Variants in ERG observed in about 807,000 individuals in gnomAD.
ERG encodes the protein transcriptional regulator ERG.
A neutral mutation model predicts 55.3 loss-of-function variants in ERG; 9 were observed. The ratio of observed to expected loss-of-function variants is 0.16; its 90% CI spans 0.10 to 0.28. The LOEUF is 0.28. ERG is among the 10% of genes least tolerant of loss of function. The pLI is 1.00. For missense variants in ERG, 434 were observed against 631.6 expected (o/e 0.69, Z 3.35); for synonymous variants, 223 against 237.3 (o/e 0.94, Z 0.55).
chr21:38,658,819 T>C lies in ERG; in HGVS notation c.-150+2839A>G, dbSNP rs1041285465. 2.0e-5 allele frequency among the ~76,000 whole-genome samples: 3 copies of C among 152,244 alleles called. No homozygotes were observed. The South Asian group carries it at 6.2e-4, about 32-fold the overall frequency. Reference sequence around the variant, plus strand: ...GATTAAAAACTCAACAAGGTTTTTCTTTAATATAAAAGCAAAACGTGGAAC... The same window carrying C: ...GATTAAAAACTCAACAAGGTTTTTCCTTAATATAAAAGCAAAACGTGGAAC... On this transcript the variant is annotated intron_variant, in intron 1 of 10. Transcript: ENST00000398910.
chr21:38,630,039 G>A (rs1421880652), intron 1 of ERG, among the ~76,000 whole-genome samples: 1 of 152,112 alleles, frequency 6.6e-6, no homozygotes, highest in East Asian at 1.9e-4. Flanking sequence ...ACTTACATGA[G>A]CTACCTAGAT....
chr21:38,535,342 T>A (rs1282346382), intron 2 of ERG, among the ~76,000 whole-genome samples: 1 of 152,170 alleles, frequency 6.6e-6, no homozygotes, highest in African/African-American at 2.4e-5. Flanking sequence ...GTTCCAGAGA[T>A]TTGCTGCACC....
chr21:38,434,668 G>C (rs1990372250), intron 2 of ERG, among the ~76,000 whole-genome samples: 1 of 152,184 alleles, frequency 6.6e-6, no homozygotes, highest in African/African-American at 2.4e-5. Flanking sequence ...CCTTAGATGG[G>C]TCACCTAACC....
intron 2 of ERG, among the ~76,000 whole-genome samples, chr21:38,568,372 C>T (rs2059936460): frequency 6.6e-6 from 1 of 152,128 alleles, no homozygotes; most frequent in Non-Finnish European, 1.5e-5. Context: ...AACTCATTAG[C>T]TAATTTATTC....
chr21:38,510,795 T>C (rs2146723706), intron 2 of ERG, among the ~76,000 whole-genome samples: 1 of 152,346 alleles, frequency 6.6e-6, no homozygotes, highest in South Asian at 2.1e-4. Flanking sequence ...CAGTACACAT[T>C]GAAATCGATT....
intron 1 of ERG, among the ~76,000 whole-genome samples, chr21:38,487,120 CT>C (rs5843910): frequency 0.33 from 41,425 of 127,288 alleles, 7,315 homozygotes; most frequent in Non-Finnish European, 0.41. Context: ...CCTCACTCCT[CT>C]TTTTTTTTTT....
chr21:38,599,420 T>C (rs2070526), intron 1 of ERG, among the ~76,000 whole-genome samples: 73,326 of 152,028 alleles, frequency 0.48, 17,922 homozygotes, highest in Middle Eastern at 0.6. Context: ...ATGCATTCCA[T>C]GAACAAGGGG....
chr21:38,527,075 A>G (rs907028424), intron 2 of ERG, among the ~76,000 whole-genome samples: 5 of 152,210 alleles, frequency 3.3e-5, no homozygotes, highest in African/African-American at 1.2e-4. Context: ...CACGACGCAT[A>G]CTGAGCACCA....
chr21:38,585,071 A>G (rs952917655), upstream of ERG: 1 of 152,234 alleles, frequency 6.6e-6, no homozygotes, highest in Non-Finnish European at 1.5e-5. Context: ...AAAAGGGGAA[A>G]GAACTTAAAT....
intron 5 of ERG, among the ~76,000 whole-genome samples, chr21:38,401,016 T>C (rs1370801795): frequency 6.6e-6 from 1 of 152,246 alleles, no homozygotes; most frequent in African/African-American, 2.4e-5. Flanking sequence ...CATAATATAT[T>C]TTACAGAGCT....
At chr21:38,423,239 C>T (rs765937414) in intron 3 of ERG, among the ~76,000 whole-genome samples, 171 bp downstream of exon 3, 8 of 152,002 alleles carry the variant, frequency 5.3e-5, no homozygotes, top group Non-Finnish European at 1.0e-4. Context: ...GCTGTCGATC[C>T]GTGAACATGT....
At chr21:38,503,661 A>G (rs968187639) in intron 2 of ERG, among the ~76,000 whole-genome samples, 2 of 152,166 alleles carry the variant, frequency 1.3e-5, no homozygotes, top group Admixed American at 1.3e-4. Flanking sequence ...AGTGCTGTAT[A>G]TTGTCCTTAA....
At chr21:38,410,685 A>C (rs961809146) in intron 3 of ERG, among the ~76,000 whole-genome samples, 57 of 152,340 alleles carry the variant, frequency 3.7e-4, no homozygotes, top group African/African-American at 1.3e-3. Flanking sequence ...TTGAGTAGAT[A>C]TTTAAATCAG....
At chr21:38,418,281 G>GTGTGTGTGTGTC (rs1555895855) in intron 3 of ERG, among the ~76,000 whole-genome samples, 16 of 150,676 alleles carry the variant, frequency 1.1e-4, no homozygotes, top group Non-Finnish European at 2.2e-4. Flanking sequence ...GTGTGTGTGT[G>GTGTGTGTGTGTC]TGTGTGTGTG....
intron 2 of ERG, among the ~76,000 whole-genome samples, chr21:38,541,854 T>C (rs1463094902): frequency 6.6e-6 from 1 of 152,192 alleles, no homozygotes; most frequent in Non-Finnish European, 1.5e-5. Context: ...GGAACCACCA[T>C]GGCACATGTT....
At chr21:38,560,916 C>G (rs2059889043) in intron 2 of ERG, among the ~76,000 whole-genome samples, 1 of 152,080 alleles carries the variant, frequency 6.6e-6, no homozygotes. Flanking sequence ...AGTCTAAATG[C>G]TTTTAATTGA....
intron 2 of ERG, among the ~76,000 whole-genome samples, chr21:38,430,628 C>T (rs1400185857): frequency 6.6e-6 from 1 of 152,218 alleles, no homozygotes; most frequent in African/African-American, 2.4e-5. Flanking sequence ...AGAAATTCCA[C>T]ATTAGCCAGG....
chr21:38,521,389 A>G (rs2059593232), intron 2 of ERG, among the ~76,000 whole-genome samples: 1 of 152,234 alleles, frequency 6.6e-6, no homozygotes, highest in East Asian at 1.9e-4. Context: ...GCAAGCAAAC[A>G]GACCTCAGAC....
At chr21:38,550,661 T>G (rs1744573018) in intron 2 of ERG, among the ~76,000 whole-genome samples, 1 of 152,220 alleles carries the variant, frequency 6.6e-6, no homozygotes, top group Non-Finnish European at 1.5e-5. Flanking sequence ...AAGTTTCTGT[T>G]GTTTATATGC....
Sources: gnomAD v4.1 joint callset for allele counts (sites outside exome capture counted in the v4.1 genomes callset) on GRCh38, gnomAD v4.1.1 for gene constraint, MANE v1.5 for transcripts, NCBI Gene and HGNC (gene_info 2026-07-23, HGNC 2026-07-21) for gene names.